The following EFNA5 variants were observed in gnomAD, a reference collection of about 807,000 sequenced individuals.
EFNA5 encodes the protein ephrin-A5.
In EFNA5, 5 loss-of-function variants were observed where a neutral mutation model predicts 22.9. The ratio of observed to expected loss-of-function variants is 0.22; its 90% CI spans 0.11 to 0.46. The LOEUF is 0.46. EFNA5 is among the 20% of genes least tolerant of loss of function. The pLI, the probability that EFNA5 is intolerant of heterozygous loss-of-function variation, is 0.99. For missense variants in EFNA5, 237 were observed against 293.3 expected, an observed-to-expected ratio of 0.81 and a Z score of 1.40; for synonymous variants, 113 against 112.2, an observed-to-expected ratio of 1.01 and a Z score of -0.04.
chr5:107,548,378 A>T (rs1449270199), intron 1 of EFNA5, among the ~76,000 whole-genome samples: 1 of 152,220 alleles, frequency 6.6e-6, no homozygotes, highest in African/African-American at 2.4e-5. Flanking sequence ...GCAATGCTAC[A>T]TTAATGGTCA....
intron 1 of EFNA5, among the ~76,000 whole-genome samples, chr5:107,494,740 C>T (rs571660409): frequency 6.6e-6 from 1 of 152,308 alleles, no homozygotes; most frequent in Non-Finnish European, 1.5e-5. Context: ...CTGTATCTAG[C>T]TACTCTGGTG....
At chr5:107,597,353 A>G (rs1357064439) in intron 1 of EFNA5, among the ~76,000 whole-genome samples, 5 of 152,266 alleles carry the variant, frequency 3.3e-5, no homozygotes, top group South Asian at 2.1e-4. Flanking sequence ...ACAAATTCCA[A>G]TGTAAGCTTC....
intron 1 of EFNA5, among the ~76,000 whole-genome samples, chr5:107,495,053 TG>T (rs764832617): frequency 2.8e-4 from 42 of 152,120 alleles, no homozygotes; most frequent in Non-Finnish European, 4.7e-4. Context: ...CAGCAGGATG[TG>T]GGTGGGGCCA....
intron 1 of EFNA5, among the ~76,000 whole-genome samples, chr5:107,529,647 TGAC>T (rs2112450715): frequency 6.6e-6 from 1 of 152,326 alleles, no homozygotes; most frequent in Admixed American, 6.5e-5. Context: ...CATGATCAAG[TGAC>T]CACTTTTGTT....
rs565382063 is a variant in EFNA5, at chr5:107,618,501, T to G, written c.125+51988A>C. On this transcript the variant is annotated intron_variant, in intron 1 of 4. Transcript: ENST00000333274. ...GACAAATCAAAAGATAAGAAGTACC[T>G]CTCAGCTTCAATCAACTGAAATGTG... Among the ~76,000 whole-genome samples the G allele has an allele frequency of 2.6e-5, 4 of 152,270 alleles. No homozygotes were observed. The East Asian group carries it at 7.7e-4, about 29-fold the overall frequency.
At chr5:107,465,531 G>T (rs1440645614) in intron 1 of EFNA5, among the ~76,000 whole-genome samples, 1 of 152,124 alleles carries the variant, frequency 6.6e-6, no homozygotes, top group African/African-American at 2.4e-5. Flanking sequence ...TGACAGCAAA[G>T]CTGACATGGT....
At chr5:107,422,324 A>T (rs1748690328) in intron 2 of EFNA5, among the ~76,000 whole-genome samples, 1 of 152,246 alleles carries the variant, frequency 6.6e-6, no homozygotes, top group African/African-American at 2.4e-5. Flanking sequence ...CAAGCAATGT[A>T]ATACAGGGCA....
chr5:107,517,811 A>T (rs1222995383), intron 1 of EFNA5, among the ~76,000 whole-genome samples: 1 of 152,206 alleles, frequency 6.6e-6, no homozygotes, highest in Non-Finnish European at 1.5e-5. Flanking sequence ...ATTCTTAAGG[A>T]TCTATTAAAC....
At chr5:107,556,203 C>CTTA (rs1748410660) in intron 1 of EFNA5, among the ~76,000 whole-genome samples, 1 of 152,180 alleles carries the variant, frequency 6.6e-6, no homozygotes, top group Non-Finnish European at 1.5e-5. Flanking sequence ...TCCTATCCAC[C>CTTA]TTAGTCTCTC....
chr5:107,396,603 C>T (rs1332162811), intron 2 of EFNA5, among the ~76,000 whole-genome samples: 2 of 151,818 alleles, frequency 1.3e-5, no homozygotes, highest in Admixed American at 6.6e-5. Flanking sequence ...TTAAAAGTTA[C>T]TTAGGAGTCA....
chr5:107,501,164 C>A (rs1747124824), intron 1 of EFNA5, among the ~76,000 whole-genome samples: 1 of 152,190 alleles, frequency 6.6e-6, no homozygotes, highest in Non-Finnish European at 1.5e-5. Context: ...ATTCTTAAAG[C>A]CACAGGCCCT....
chr5:107,600,048 G>A (rs1189790787), intron 1 of EFNA5, among the ~76,000 whole-genome samples: 1 of 152,194 alleles, frequency 6.6e-6, no homozygotes, highest in Non-Finnish European at 1.5e-5. Context: ...AACCCAGAAT[G>A]ACAGAAGAAC....
At chr5:107,419,418 T>C (rs1029849241) in intron 2 of EFNA5, among the ~76,000 whole-genome samples, 3 of 152,196 alleles carry the variant, frequency 2.0e-5, no homozygotes, top group African/African-American at 7.2e-5. Context: ...AGGACTATTT[T>C]CAAATAGAGA....
intron 1 of EFNA5, among the ~76,000 whole-genome samples, chr5:107,522,882 A>C (rs1168011908): frequency 6.6e-6 from 1 of 152,212 alleles, no homozygotes; most frequent in East Asian, 1.9e-4. Flanking sequence ...TACTTGAATA[A>C]AGGCTGTCTG....
At chr5:107,565,474 C>A (rs994139315) in intron 1 of EFNA5, among the ~76,000 whole-genome samples, 8 of 152,064 alleles carry the variant, frequency 5.3e-5, no homozygotes, top group Non-Finnish European at 1.2e-4. Context: ...CATAGTTCAA[C>A]TTTTATTTTT....
intron 4 of EFNA5, among the ~76,000 whole-genome samples, chr5:107,385,061 C>A (rs578211304): frequency 1.3e-5 from 2 of 152,018 alleles, no homozygotes; most frequent in Non-Finnish European, 2.9e-5. Context: ...TGTACACCTA[C>A]GCTCTACTCC....
chr5:107,453,141 T>G (rs1243550954), intron 1 of EFNA5, among the ~76,000 whole-genome samples: 5 of 152,144 alleles, frequency 3.3e-5, no homozygotes, highest in South Asian at 2.1e-4. Context: ...ATATATTTTA[T>G]TACAAAACCC....
chr5:107,487,281 C>G (rs1298981152), intron 1 of EFNA5, among the ~76,000 whole-genome samples: 1 of 152,164 alleles, frequency 6.6e-6, no homozygotes, highest in African/African-American at 2.4e-5. Flanking sequence ...TTCACTTCCT[C>G]TGTGAGGCCT....
chr5:107,539,536 G>A (rs1399749055), intron 1 of EFNA5, among the ~76,000 whole-genome samples: 1 of 152,178 alleles, frequency 6.6e-6, no homozygotes, highest in Non-Finnish European at 1.5e-5. Context: ...TCGGCTCACT[G>A]CAACCTCTGC....
Sources: gnomAD v4.1 joint callset for allele counts (sites outside exome capture counted in the v4.1 genomes callset) on GRCh38, gnomAD v4.1.1 for gene constraint, MANE v1.5 for transcripts, NCBI Gene and HGNC (gene_info 2026-07-23, HGNC 2026-07-21) for gene names.